The following CFAP298 variants were observed in gnomAD, a reference collection of about 807,000 sequenced individuals.
CFAP298 encodes cilia- and flagella-associated protein 298.
In CFAP298, 38 loss-of-function variants were observed where a neutral mutation model predicts 41.0. The observed-to-expected ratio is 0.93, with a 90% CI of 0.72 to 1.22. CFAP298 has a LOEUF of 1.22. CFAP298 is among the 50% of genes most tolerant of loss of function. The probability of loss-of-function intolerance (pLI) is 0.00; values close to 1 mark genes in which losing one functional copy is unlikely to be tolerated. For missense variants in CFAP298, 348 were observed against 360.3 expected (o/e 0.97, Z 0.28); for synonymous variants, 137 against 135.3 (o/e 1.01, Z -0.09).
chr21:32,612,317 T>C lies in CFAP298; in HGVS notation c.-74A>G. 1 of 1,468,680 alleles carries C rather than the reference T, an allele frequency of 6.8e-7. No homozygotes were observed. Among genetic ancestry groups the C allele is most frequent in the Non-Finnish European group, 9.0e-7 (1 of 1,109,216 alleles). 91.0% of individuals were successfully genotyped at this position (1,468,680 alleles called of 1,614,324 possible). On this transcript the variant is annotated 5_prime_UTR_variant, in exon 1 of 7. Coordinates refer to ENST00000290155, the MANE Select transcript of CFAP298 (RefSeq NM_021254.4). ...GCCCGCGGGTCCTGCCGGCCGAGGG[T>C]CGCCGGATCGCCAGCAGCTGCGACG...
rs569933702 is a variant in CFAP298, at chr21:32,602,745, C to T, written c.667-378G>A. On this transcript the variant is annotated intron_variant, in intron 5 of 6. Transcript: ENST00000290155. Reference sequence around the variant, plus strand: ...CGTAGGAGCACCCACAAAACCAAGGCGGCCCCTCAGGTTACAGCGCTACAC... The same window carrying T: ...CGTAGGAGCACCCACAAAACCAAGGTGGCCCCTCAGGTTACAGCGCTACAC... The T allele has an allele frequency of 8.8e-5, 110 of 1,252,894 alleles. 1 individual carries two copies. The East Asian group carries it at 2.4e-3, about 28-fold the overall frequency. The allele number at this position is 1,252,894 out of a possible 1,614,324, so 77.6% of individuals were successfully genotyped here. A position where few individuals can be genotyped will look rare whatever the true frequency, so the allele number is the denominator to read the frequency against.
In CFAP298 at chr21:32,601,797, TTAAA is replaced by T; in HGVS notation, c.*62_*65del. 1.2e-6 allele frequency: 1 copy of T among 841,944 alleles called. No homozygotes were observed. The highest frequency in any genetic ancestry group is 1.9e-6 in the Non-Finnish European group (1 of 517,082). 52.2% of individuals were successfully genotyped at this position (841,944 alleles called of 1,614,324 possible). ...GCAGTAAGTGGCCTTTTTTTTTTTT[TTAAA>T]TTATAATTGCCTAGGAGAAAGGTGA... is the stretch of plus-strand genomic sequence containing the variant. On this transcript the variant is annotated 3_prime_UTR_variant, in exon 7 of 7. Transcript: ENST00000290155.
At chr21:32,606,413 G>C (rs1175541365) in intron 3 of CFAP298, among the ~76,000 whole-genome samples, 1 of 152,178 alleles carries the variant, frequency 6.6e-6, no homozygotes, top group Non-Finnish European at 1.5e-5. Context: ...CAGGCAAAGG[G>C]GAGAAGTGAG....
At chr21:32,602,572 G>C in intron 5 of CFAP298, 2 of 1,390,700 alleles carry the variant, frequency 1.4e-6, no homozygotes, top group South Asian at 3.3e-5. Flanking sequence ...GTGGAGACCA[G>C]AGGCTGCACG....
intron 2 of CFAP298, 64 bp from the exon 3 acceptor site, chr21:32,607,780 C>G: frequency 1.1e-6 from 1 of 937,830 alleles, no homozygotes; most frequent in South Asian, 1.4e-5. Context: ...TCTGAAATAC[C>G]TCAATCCCCT....
At position 32,599,744 on chromosome 21, in the gene CFAP298, C is replaced by T. The variant is rs1416552119; in HGVS notation, c.*2119G>A. ...ACGGTGCCACAGCGGGCACCACCTG[C>T]CCCCCGCCGTCACAGATGGCTTGCA... On this transcript the variant is annotated 3_prime_UTR_variant, in exon 7 of 7. Coordinates refer to ENST00000290155, the MANE Select transcript of CFAP298 (RefSeq NM_021254.4). 5.9e-5 allele frequency among the ~76,000 whole-genome samples: 9 copies of T among 152,130 alleles called. No individual in the cohort carries two copies. The highest frequency in any genetic ancestry group is 2.2e-4 in the African/African-American group (9 of 41,408).
At chr21:32,609,689 TG>T in intron 2 of CFAP298, 148 bp downstream of exon 2, 1 of 654,128 alleles carries the variant, frequency 1.5e-6, no homozygotes, top group Non-Finnish European at 2.5e-6. Context: ...CGCTTGAACC[TG>T]GAAGACAGAG....
Position 32,601,594 on chromosome 21 carries a change from GC to G in CFAP298, c.*268del, listed in dbSNP as rs1490635304. On this transcript the variant is annotated 3_prime_UTR_variant, in exon 7 of 7. Transcript: ENST00000290155. ...TTACAGGCGTGAGCCACCGCGCCCG[GC>G]CAAAAGTTTAGTATTTTATCAAAGA... The G allele has an allele frequency of 3.6e-6, 1 of 278,388 alleles. No individual in the cohort carries two copies. Among genetic ancestry groups the G allele is most frequent in the Admixed American group, 4.7e-5 (1 of 21,458 alleles). 17.2% of individuals were successfully genotyped at this position (278,388 alleles called of 1,614,324 possible).
At position 32,604,213 on chromosome 21, in the gene CFAP298, G is replaced by T; in HGVS notation, c.446C>A (p.Ala149Glu). The change falls in exon 4 of 7, where the codon GCG becomes GAG. Residue 149 changes from alanine (A) to glutamate (E), a missense_variant. Transcript: ENST00000290155. ...CCCCATGGGGTAAACAATCATCACC[G>T]CGCCTCGAAGCTGGTCCAAGGCATC... is the stretch of plus-strand genomic sequence containing the variant. ...VKDALDQLRG[A>E]VMIVYPMGLP... The T allele has an allele frequency of 6.2e-7, 1 of 1,614,004 alleles. No homozygotes were observed. Among genetic ancestry groups the T allele is most frequent in the Non-Finnish European group, 8.5e-7 (1 of 1,179,970 alleles).
rs898567337 is a variant in CFAP298 at position 32,601,423 on chromosome 21, G to T, written c.*440C>A. ...CGCCATTCTCCTGCCTCAGCCTCCCGAGTAGCTGGGACTACAGGCGCCTGC... is the reference window on the plus strand; with the variant it reads ...CGCCATTCTCCTGCCTCAGCCTCCCTAGTAGCTGGGACTACAGGCGCCTGC... On this transcript the variant is annotated 3_prime_UTR_variant, in exon 7 of 7. Coordinates refer to ENST00000290155, the MANE Select transcript of CFAP298 (RefSeq NM_021254.4). Among the ~76,000 whole-genome samples, 2 of 147,172 alleles carry T rather than the reference G, an allele frequency of 1.4e-5. No individual in the cohort carries two copies. Among genetic ancestry groups the T allele is most frequent in the Non-Finnish European group, 3.0e-5 (2 of 67,326 alleles).
intron 1 of CFAP298, among the ~76,000 whole-genome samples, chr21:32,611,809 C>A (rs1174058283): frequency 1.3e-5 from 2 of 152,252 alleles, no homozygotes; most frequent in South Asian, 4.2e-4. Flanking sequence ...CTGTTCAGCC[C>A]GGCCTTTCGG....
intron 4 of CFAP298, 42 bp from the exon 5 acceptor site, chr21:32,603,334 C>G: frequency 6.2e-7 from 1 of 1,610,212 alleles, no homozygotes. Flanking sequence ...GTGTTCCCAC[C>G]CAGGGGGCAG....
intron 1 of CFAP298, among the ~76,000 whole-genome samples, chr21:32,610,279 G>A (rs1417122695): frequency 1.3e-5 from 2 of 152,074 alleles, no homozygotes; most frequent in African/African-American, 2.4e-5. Context: ...TCACTGCAGC[G>A]ATCTCAGCTC....
At position 32,607,703 on chromosome 21, in the gene CFAP298, C is replaced by T. The variant is rs200301099; in HGVS notation, c.321G>A (p.Lys107=). Residue 107 remains lysine, a synonymous_variant, in exon 3 of 7, where the codon AAG becomes AAA. Transcript: ENST00000290155. The part of the protein sequence containing the change: ...GRRNGQAPNE[K]MKQVLKKTIE... ...TAGTCTTCTTTAACACTTGCTTCATCTTCTCATTTGGAGCTATAAAAATAA... is the reference window on the plus strand; with the variant it reads ...TAGTCTTCTTTAACACTTGCTTCATTTTCTCATTTGGAGCTATAAAAATAA... 17 of 1,593,646 alleles carry T rather than the reference C, an allele frequency of 1.1e-5. No homozygotes were observed. Among genetic ancestry groups the T allele is most frequent in the Non-Finnish European group, 1.5e-5 (17 of 1,165,820 alleles).
chr21:32,607,311 A>G (rs1197227029), intron 3 of CFAP298, among the ~76,000 whole-genome samples: 1 of 152,146 alleles, frequency 6.6e-6, no homozygotes, highest in African/African-American at 2.4e-5. Flanking sequence ...GACAAGTTTT[A>G]GGCCGGGCGC....
chr21:32,607,099 C>T (rs945244476), intron 3 of CFAP298, among the ~76,000 whole-genome samples: 2 of 152,078 alleles, frequency 1.3e-5, no homozygotes, highest in African/African-American at 4.8e-5. Flanking sequence ...TTGTATTATA[C>T]GTGAACCTAT....
Position 32,612,133 on chromosome 21 carries a change from C to T in CFAP298, c.111G>A (p.Gly37=). The change falls in exon 1 of 7, where the codon GGG becomes GGA. Residue 37 remains glycine (G), a synonymous_variant. Transcript: ENST00000290155. ...AGCAGAGGCGCTGCACCTTGAGCCGCCCATTATAGACCCGGGCCACCTGCA... is the reference window on the plus strand; with the variant it reads ...AGCAGAGGCGCTGCACCTTGAGCCGTCCATTATAGACCCGGGCCACCTGCA... ...LTVQVARVYN[G]RLKVQRLCSE... 3.2e-6 allele frequency: 5 copies of T among 1,566,028 alleles called. No homozygotes were observed. Among genetic ancestry groups the T allele is most frequent in the Non-Finnish European group, 4.3e-6 (5 of 1,155,772 alleles).
chr21:32,606,124 T>A (rs1210182609), intron 3 of CFAP298, among the ~76,000 whole-genome samples: 1 of 152,030 alleles, frequency 6.6e-6, no homozygotes, highest in Non-Finnish European at 1.5e-5. Flanking sequence ...GAGAAGCTCA[T>A]AGGAGGTGCT....
chr21:32,605,777 G>C (rs1435520970), intron 3 of CFAP298, among the ~76,000 whole-genome samples: 1 of 152,134 alleles, frequency 6.6e-6, no homozygotes, highest in Admixed American at 6.6e-5. Flanking sequence ...TTAACTTTTA[G>C]GTCTGATGCT....
Sources: allele counts gnomAD v4.1 joint callset (sites outside exome capture counted in the v4.1 genomes callset), GRCh38; gene constraint gnomAD v4.1.1; transcripts MANE v1.5; gene names NCBI Gene and HGNC (gene_info 2026-07-23, HGNC 2026-07-21).